The following DKK3 variants were observed in gnomAD, a reference collection of about 807,000 sequenced individuals.
The protein encoded by DKK3 is dickkopf-related protein 3.
DKK3 carries 22 observed loss-of-function variants against 33.2 expected under a neutral mutation model. That is an observed-to-expected ratio of 0.66 (90% CI 0.47 to 0.95). The LOEUF (loss-of-function observed/expected upper bound fraction) is 0.95. DKK3 is among the 40% of genes least tolerant of loss of function. The pLI, the probability that DKK3 is intolerant of heterozygous loss-of-function variation, is 0.00. For synonymous variants in DKK3, 194 were observed against 188.8 expected (o/e 1.03, Z -0.23); for missense variants, 398 against 458.4 (o/e 0.87, Z 1.20).
intron 3 of DKK3, chr11:11,998,112 G>A (rs138245469): frequency 1.3e-5 from 2 of 154,424 alleles, no homozygotes; most frequent in African/African-American, 4.8e-5. Flanking sequence ...CTGTGCCCAG[G>A]TTTTCTTTCT....
chr11:11,977,080 G>A (rs1847849862), intron 3 of DKK3, among the ~76,000 whole-genome samples: 2 of 152,144 alleles, frequency 1.3e-5, no homozygotes, highest in South Asian at 4.1e-4. Context: ...AAGTGCCAAT[G>A]TCTGCAAAGG....
At chr11:11,964,752 G>T (rs750821593) in intron 6 of DKK3, 66 bp from the exon 7 acceptor site, 3 of 1,554,546 alleles carry the variant, frequency 1.9e-6, no homozygotes, top group Non-Finnish European at 2.6e-6. Context: ...AAGCTAAGGC[G>T]CCCTGACTCT....
At chr11:12,003,736 A>G (rs915250107) in intron 1 of DKK3, among the ~76,000 whole-genome samples, 2 of 146,344 alleles carry the variant, frequency 1.4e-5, no homozygotes, top group African/African-American at 2.5e-5. Context: ...GGCTATTTTT[A>G]TTTTTTTTTT....
intron 3 of DKK3, among the ~76,000 whole-genome samples, chr11:11,971,735 G>A (rs1847729574): frequency 6.6e-6 from 1 of 152,142 alleles, no homozygotes; most frequent in African/African-American, 2.4e-5. Context: ...CAAGACGGGT[G>A]CATTTTCATC....
intron 3 of DKK3, among the ~76,000 whole-genome samples, chr11:11,981,723 T>C (rs1041749222): frequency 2.6e-5 from 4 of 152,178 alleles, no homozygotes; most frequent in Non-Finnish European, 5.9e-5. Context: ...GCCTGTCTCA[T>C]ATCCCTCTGC....
intron 3 of DKK3, chr11:11,998,098 C>T (rs150434359): frequency 5.6e-4 from 86 of 153,872 alleles, no homozygotes; most frequent in Non-Finnish European, 7.8e-4. Context: ...GGTCATCCCC[C>T]GACCTGTGCC....
chr11:11,972,697 C>T (rs532863132), intron 3 of DKK3, among the ~76,000 whole-genome samples: 2 of 152,266 alleles, frequency 1.3e-5, no homozygotes, highest in South Asian at 4.1e-4. Context: ...ACAGACAGGC[C>T]CTGAGCTGAG....
At chr11:12,007,383 T>C (rs1848559124) in intron 1 of DKK3, among the ~76,000 whole-genome samples, 1 of 152,090 alleles carries the variant, frequency 6.6e-6, no homozygotes, top group African/African-American at 2.4e-5. Flanking sequence ...TACAGACAGA[T>C]TGGGCCCAAC....
intron 3 of DKK3, among the ~76,000 whole-genome samples, chr11:11,978,414 TTCTTCCTCTTCC>T (rs1258193057): frequency 6.6e-6 from 1 of 151,138 alleles, no homozygotes; most frequent in Admixed American, 6.6e-5. Flanking sequence ...CTTCCTCTTC[TTCTTCCTCTTCC>T]TCTTCTTCTT....
At chr11:11,988,347 T>C (rs1214656006) in intron 3 of DKK3, among the ~76,000 whole-genome samples, 1 of 152,108 alleles carries the variant, frequency 6.6e-6, no homozygotes, top group Non-Finnish European at 1.5e-5. Flanking sequence ...ACCAGCTCAT[T>C]TATTAGATTC....
At chr11:11,991,979 T>C (rs1194228728) in intron 3 of DKK3, among the ~76,000 whole-genome samples, 1 of 152,244 alleles carries the variant, frequency 6.6e-6, no homozygotes, top group Non-Finnish European at 1.5e-5. Context: ...AATGACTTGT[T>C]TATTTTTTTT....
At chr11:11,971,475 T>A (rs1436325311) in intron 3 of DKK3, among the ~76,000 whole-genome samples, 1 of 152,162 alleles carries the variant, frequency 6.6e-6, no homozygotes, top group Non-Finnish European at 1.5e-5. Flanking sequence ...TAAATATGTG[T>A]TGAGTGGGTG....
intron 3 of DKK3, among the ~76,000 whole-genome samples, chr11:11,989,545 C>T (rs1406821027): frequency 6.6e-6 from 1 of 152,078 alleles, no homozygotes; most frequent in Non-Finnish European, 1.5e-5. Flanking sequence ...TGGTCAGAAT[C>T]ATACAGACAG....
intron 3 of DKK3, among the ~76,000 whole-genome samples, chr11:11,986,903 T>C (rs1848081848): frequency 6.6e-6 from 1 of 152,214 alleles, no homozygotes; most frequent in Non-Finnish European, 1.5e-5. Context: ...TGTAGATGAA[T>C]GAACAAAGGC....
intron 3 of DKK3, among the ~76,000 whole-genome samples, chr11:11,982,671 T>C (rs10765916): frequency 0.66 from 99,676 of 151,954 alleles, 33,452 homozygotes; most frequent in East Asian, 0.99. Context: ...CCTTCCCGCT[T>C]CCATGGGCCA....
rs192604076 is a variant in DKK3 at position 11,966,296 on chromosome 11, A to G, written c.674-331T>C. On this transcript the variant is annotated intron_variant, in intron 5 of 6. Transcript: ENST00000683431. The stretch of plus-strand genomic sequence containing the variant: ...AAAGGCCTGGGGTTGAGCTCAGTGG[A>G]AAATGTCAGGGCCGGTGAAATTCCC... Among the ~76,000 whole-genome samples, 726 of 152,270 alleles carry G rather than the reference A, an allele frequency of 4.8e-3. 9 individuals carry two copies. The highest frequency in any genetic ancestry group is 0.017 in the African/African-American group (697 of 41,548).
intron 1 of DKK3, among the ~76,000 whole-genome samples, chr11:12,006,680 G>A (rs994025107): frequency 9.9e-5 from 15 of 152,194 alleles, no homozygotes; most frequent in African/African-American, 2.2e-4. Context: ...AGAAGACCCC[G>A]TCACTAGGTC....
In DKK3 at chr11:11,967,481, C is replaced by T. The variant is rs945197517; in HGVS notation, c.529-383G>A. ...GAGCCGATTAAACTAAGGCCCAAGC[C>T]AGCCCAAGATGAGGATGGCCTGTGG... On this transcript the variant is annotated intron_variant, in intron 4 of 6. Transcript: ENST00000683431. Among the ~76,000 whole-genome samples, 3 of 152,194 alleles carry T rather than the reference C, an allele frequency of 2.0e-5. No individual in the cohort carries two copies. In the South Asian group the frequency reaches 6.2e-4, roughly 32 times the overall value.
chr11:11,995,037 G>A (rs1463846039), intron 3 of DKK3, among the ~76,000 whole-genome samples: 1 of 152,136 alleles, frequency 6.6e-6, no homozygotes, highest in Non-Finnish European at 1.5e-5. Flanking sequence ...TACAAGCTGG[G>A]TGCTTTTGGC....
Sources: allele counts gnomAD v4.1 joint callset (sites outside exome capture counted in the v4.1 genomes callset), GRCh38; gene constraint gnomAD v4.1.1; transcripts MANE v1.5; gene names NCBI Gene and HGNC (gene_info 2026-07-23, HGNC 2026-07-21).